GDAP1: variants seen among roughly 807,000 people sequenced by gnomAD.
GDAP1 encodes the protein ganglioside induced differentiation associated protein 1, also known as ganglioside-induced differentiation-associated protein 1.
GDAP1 carries 34 observed loss-of-function variants against 40.1 expected under a neutral mutation model. The ratio of observed to expected loss-of-function variants is 0.85; its 90% CI spans 0.64 to 1.13. The LOEUF is 1.13. Among genes scored for constraint, GDAP1 ranks in the 50% most tolerant of loss-of-function variants. GDAP1 has a pLI of 0.00. For missense variants in GDAP1, 374 were observed against 433.7 expected, an observed-to-expected ratio of 0.86 and a Z score of 1.22; for synonymous variants, 170 against 157.4, an observed-to-expected ratio of 1.08 and a Z score of -0.60.
chr8:74,353,212 G>T (rs927214186), intron 2 of GDAP1, among the ~76,000 whole-genome samples: 2 of 152,214 alleles, frequency 1.3e-5, no homozygotes, highest in African/African-American at 4.8e-5. Flanking sequence ...AATTAGAAGA[G>T]AAGGCACTGT....
chr8:74,427,547 C>G (rs972119812), intron 2 of GDAP1, among the ~76,000 whole-genome samples: 11 of 152,178 alleles, frequency 7.2e-5, no homozygotes, highest in African/African-American at 2.7e-4. Context: ...CATTCCAGTT[C>G]TATCCTAAAA....
chr8:74,351,708 CTTAAA>C, intron 2 of GDAP1, among the ~76,000 whole-genome samples: 1 of 152,070 alleles, frequency 6.6e-6, no homozygotes, highest in East Asian at 1.9e-4. Context: ...AATGTTGAAA[CTTAAA>C]AAAATTCACT....
At chr8:74,411,788 A>G (rs1383989696) in intron 2 of GDAP1, among the ~76,000 whole-genome samples, 1 of 148,936 alleles carries the variant, frequency 6.7e-6, no homozygotes, top group Non-Finnish European at 1.5e-5. Flanking sequence ...ACACTGAGGT[A>G]GGAGGATCAC....
chr8:74,422,480 C>T (rs1418321324), intron 2 of GDAP1, among the ~76,000 whole-genome samples: 7 of 117,740 alleles, frequency 5.9e-5, no homozygotes, highest in South Asian at 5.8e-4. Context: ...CTTCCTCCCT[C>T]CCTCCCTCCT....
rs1181093601 is a variant in GDAP1, at chr8:74,422,146, CCTT to C, written c.166-66527_166-66525del. ...TCTTGCTTTTTCATTTTCTTTCTTT[CCTT>C]CTTCATTTTCTTCTTTCTTTCTTTT... On this transcript the variant is annotated intron_variant, in intron 2 of 2. Coordinates refer to the GDAP1 transcript ENST00000523640. Among the ~76,000 whole-genome samples, 30 of 151,796 alleles carry C rather than the reference CCTT, an allele frequency of 2.0e-4. 1 individual carries two copies. The East Asian group carries it at 5.0e-3, about 25-fold the overall frequency.
intron 2 of GDAP1, among the ~76,000 whole-genome samples, chr8:74,391,766 A>G (rs1163093566): frequency 2.0e-5 from 3 of 152,144 alleles, no homozygotes; most frequent in Non-Finnish European, 4.4e-5. Context: ...AGCAAAATAT[A>G]TAAAGGTACA....
At chr8:74,424,492 A>G (rs1268984699) in intron 2 of GDAP1, among the ~76,000 whole-genome samples, 2 of 152,194 alleles carry the variant, frequency 1.3e-5, no homozygotes, top group African/African-American at 4.8e-5. Context: ...AAACATGACA[A>G]TATTGACTTC....
intron 2 of GDAP1, among the ~76,000 whole-genome samples, chr8:74,483,926 C>T (rs189626914): frequency 4.3e-4 from 65 of 152,180 alleles, no homozygotes; most frequent in Non-Finnish European, 7.4e-4. Flanking sequence ...CAAGTGGTCA[C>T]GGATTTCGAC....
At chr8:74,470,187 T>C (rs894367069) in intron 2 of GDAP1, among the ~76,000 whole-genome samples, 2 of 152,086 alleles carry the variant, frequency 1.3e-5, no homozygotes, top group African/African-American at 4.8e-5. Context: ...ATTTGCTTGG[T>C]GTTAAGTAAA....
Position 74,366,592 on chromosome 8 carries a change from T to A in GDAP1, c.*2225T>A. 1 of 453,564 alleles carries A rather than the reference T, an allele frequency of 2.2e-6. No individual in the cohort carries two copies. 28.1% of individuals were successfully genotyped at this position (453,564 alleles called of 1,614,324 possible). A position where few individuals can be genotyped will look rare whatever the true frequency, so the allele number is the denominator to read the frequency against. ...TCAGTGTACTCATCAATTTCCAAAATTTGTATAAATATCACAATTAGAAAA... is the reference window on the plus strand; with the variant it reads ...TCAGTGTACTCATCAATTTCCAAAAATTGTATAAATATCACAATTAGAAAA... On this transcript the variant is annotated 3_prime_UTR_variant, in exon 6 of 6. Transcript: ENST00000220822.
chr8:74,410,220 C>A (rs1009384631), intron 2 of GDAP1, among the ~76,000 whole-genome samples: 1 of 150,020 alleles, frequency 6.7e-6, no homozygotes, highest in African/African-American at 2.5e-5. Flanking sequence ...TCCACCAAGA[C>A]GTGAAGTCTG....
intron 2 of GDAP1, among the ~76,000 whole-genome samples, chr8:74,373,241 C>G (rs7460636): frequency 0.99 from 149,775 of 150,768 alleles, 74,400 homozygotes; most frequent in East Asian, 1. Flanking sequence ...GCAATGCAGG[C>G]TCTTTTTTGG....
chr8:74,479,548 G>A (rs1806679870), intron 2 of GDAP1, among the ~76,000 whole-genome samples: 1 of 152,168 alleles, frequency 6.6e-6, no homozygotes, highest in Non-Finnish European at 1.5e-5. Flanking sequence ...TGTATTAAAT[G>A]TAATCTTTTT....
chr8:74,372,391 T>G (rs1275860615), intron 2 of GDAP1, among the ~76,000 whole-genome samples: 1 of 152,234 alleles, frequency 6.6e-6, no homozygotes, highest in Non-Finnish European at 1.5e-5. Flanking sequence ...ACCAACAGTG[T>G]AAAAGTGTTC....
intron 2 of GDAP1, among the ~76,000 whole-genome samples, chr8:74,391,873 C>T (rs1810115351): frequency 6.6e-6 from 1 of 152,114 alleles, no homozygotes; most frequent in Non-Finnish European, 1.5e-5. Flanking sequence ...GGCTGGAGTG[C>T]AATGGCCCGA....
At chr8:74,466,127 A>C (rs991471809) in intron 2 of GDAP1, among the ~76,000 whole-genome samples, 9 of 152,210 alleles carry the variant, frequency 5.9e-5, no homozygotes, top group Admixed American at 1.3e-4. Context: ...AATATGCTTA[A>C]ATCATGCTTA....
At chr8:74,402,398 C>G (rs1339405161) in intron 2 of GDAP1, among the ~76,000 whole-genome samples, 2 of 150,458 alleles carry the variant, frequency 1.3e-5, no homozygotes, top group African/African-American at 5.0e-5. Flanking sequence ...GTTTTTTAAG[C>G]CCTTCGGAAA....
intron 2 of GDAP1, among the ~76,000 whole-genome samples, chr8:74,433,087 G>A (rs1806047544): frequency 6.6e-6 from 1 of 152,136 alleles, no homozygotes; most frequent in Admixed American, 6.5e-5. Flanking sequence ...GCAAGGCTCT[G>A]CTTCCAGATC....
chr8:74,409,722 G>C (rs1016974297), intron 2 of GDAP1, among the ~76,000 whole-genome samples: 1 of 149,908 alleles, frequency 6.7e-6, no homozygotes, highest in Non-Finnish European at 1.5e-5. Context: ...AACTTACCAG[G>C]TTATTGCATC....
Sources: allele counts gnomAD v4.1 joint callset (sites outside exome capture counted in the v4.1 genomes callset), GRCh38; gene constraint gnomAD v4.1.1; transcripts MANE v1.5; gene names NCBI Gene and HGNC (gene_info 2026-07-23, HGNC 2026-07-21).